Variants in KMT2A observed in about 807,000 individuals in gnomAD.
KMT2A encodes lysine methyltransferase 2A.
A neutral mutation model predicts 345.3 loss-of-function variants in KMT2A; 16 were observed. The observed-to-expected ratio is 0.05, with a 90% confidence interval of 0.03 to 0.07. KMT2A has a LOEUF of 0.07. Ranked by LOEUF, KMT2A falls within the 10% of genes least tolerant of loss-of-function variation. The pLI is 1.00. For missense variants in KMT2A, 3,272 were observed against 4,841.6 expected (o/e 0.68, Z 9.62); for synonymous variants, 1,599 against 1,778.6 (o/e 0.90, Z 2.54).
chr11:118,455,840 C>A (rs1949631853), intron 1 of KMT2A, among the ~76,000 whole-genome samples: 1 of 151,832 alleles, frequency 6.6e-6, no homozygotes, highest in South Asian at 2.1e-4. Context: ...TGAGACTACA[C>A]CACACCCAGC....
In KMT2A at chr11:118,469,778, G is replaced by C. The variant is rs9332766; in HGVS notation, c.502+934G>C. Among the ~76,000 whole-genome samples the C allele has an allele frequency of 7.2e-3, 1,097 of 152,312 alleles. 16 individuals are homozygous for C. Among genetic ancestry groups the C allele is most frequent in the African/African-American group, 0.024 (1,010 of 41,554 alleles). On this transcript the variant is annotated intron_variant, in intron 2 of 35. Coordinates refer to ENST00000534358, the MANE Select transcript of KMT2A (RefSeq NM_001197104.2). Reference sequence around the variant, plus strand: ...GACATTGACTTAGCTTGTGATGTGTGCTAGCATTAGGGTCTCACTTAAGAG... The same window carrying C: ...GACATTGACTTAGCTTGTGATGTGTCCTAGCATTAGGGTCTCACTTAAGAG...
chr11:118,442,736 T>C lies in KMT2A; in HGVS notation c.432+5792T>C, dbSNP rs574061287. Among the ~76,000 whole-genome samples the C allele has an allele frequency of 6.8e-4, 104 of 152,220 alleles. 1 individual carries two copies. Among genetic ancestry groups the C allele is most frequent in the Non-Finnish European group, 7.3e-4 (50 of 68,046 alleles). On this transcript the variant is annotated intron_variant, in intron 1 of 35. Coordinates refer to ENST00000534358, the MANE Select transcript of KMT2A (RefSeq NM_001197104.2). ...GTAGGCTCCACTATTTCTTGAGATT[T>C]TCAGGAATTGTCTAGGCTTCTAGAG...
chr11:118,448,662 T>A (rs1233726596), intron 1 of KMT2A: 1 of 152,198 alleles, frequency 6.6e-6, no homozygotes, highest in African/African-American at 2.4e-5. Context: ...TGTGTATGAA[T>A]TCCTTCTTTC....
Position 118,506,280 on chromosome 11 carries a change from C to A in KMT2A, c.10388C>A (p.Ala3463Asp). Residue 3463 changes from alanine to aspartate, a missense_variant, in exon 27 of 36, where the codon GCC becomes GAC. Physicochemically the swap from Ala to Asp is moderately radical, Grantham distance 126. Transcript: ENST00000534358. The part of the protein sequence containing the change: ...YQLQHVNQLL[A>D]SKTGIHSSQR... ...CTTCAGCATGTGAACCAGCTCCTTG[C>A]CAGCAAAACTGGGATTCATTCTTCC... 1 of 1,614,194 alleles carries A rather than the reference C, an allele frequency of 6.2e-7. No individual in the cohort carries two copies.
At chr11:118,464,251 G>C (rs1187424100) in intron 1 of KMT2A, among the ~76,000 whole-genome samples, 2 of 152,172 alleles carry the variant, frequency 1.3e-5, no homozygotes, top group African/African-American at 4.8e-5. Flanking sequence ...AAAAACTAAA[G>C]TTGGCTGGGC....
intron 1 of KMT2A, among the ~76,000 whole-genome samples, chr11:118,452,854 G>A (rs1282367507): frequency 2.0e-5 from 3 of 151,424 alleles, no homozygotes; most frequent in Admixed American, 6.6e-5. Context: ...GGCTGGTCTC[G>A]AACTCCTGAC....
Position 118,497,930 on chromosome 11 carries a change from T to G in KMT2A, c.5665-6T>G. On this transcript the variant is annotated splice_region_variant and splice_polypyrimidine_tract_variant and intron_variant, in intron 20 of 35. Transcript: ENST00000534358. The surrounding 1 kb of genome is among the most constrained non-coding windows in gnomAD (Gnocchi z 4.8). ...TTAGGAAAAAAGAAATCTCTTTATTTTATAGGATGCTGGTCGTTTACTATA... is the reference window on the plus strand; with the variant it reads ...TTAGGAAAAAAGAAATCTCTTTATTGTATAGGATGCTGGTCGTTTACTATA... 1 of 1,607,102 alleles carries G rather than the reference T, an allele frequency of 6.2e-7. No individual in the cohort carries two copies. The highest frequency in any genetic ancestry group is 8.5e-7 in the Non-Finnish European group (1 of 1,174,522).
Position 118,473,072 on chromosome 11 carries a change from C to T in KMT2A, c.1913C>T (p.Ala638Val), listed in dbSNP as rs2134265127. Residue 638 changes from alanine (A) to valine (V), a missense_variant, in exon 3 of 36, where the codon GCC becomes GTC. Physicochemically the swap from Ala to Val is moderately conservative, Grantham distance 64 (BLOSUM62 0). This residue lies in a region of KMT2A where 114 missense variants were observed against 203.2 expected (regional missense o/e 0.56). Coordinates refer to ENST00000534358, the MANE Select transcript of KMT2A (RefSeq NM_001197104.2). The surrounding 1 kb of genome is among the most constrained non-coding windows in gnomAD (Gnocchi z 5.2). ...EPQYFSSAKY[A>V]KEGLIRKPIF... ...CAATACTTTTCCTCAGCAAAGTATGCCAAAGAAGGTCTTATTCGCAAACCA... is the reference window on the plus strand; with the variant it reads ...CAATACTTTTCCTCAGCAAAGTATGTCAAAGAAGGTCTTATTCGCAAACCA... 1 of 1,614,100 alleles carries T rather than the reference C, an allele frequency of 6.2e-7. No homozygotes were observed. Among genetic ancestry groups the T allele is most frequent in the Non-Finnish European group, 8.5e-7 (1 of 1,180,008 alleles).
At chr11:118,474,986 A>G (rs1950009376) in intron 3 of KMT2A, among the ~76,000 whole-genome samples, 1 of 151,176 alleles carries the variant, frequency 6.6e-6, no homozygotes, top group Non-Finnish European at 1.5e-5. Flanking sequence ...AAAAAAAATT[A>G]GCTGGGCGTG....
In KMT2A at chr11:118,485,975, C is replaced by G. The variant is rs1255143546; in HGVS notation, c.4332+1000C>G. Among the ~76,000 whole-genome samples, 5 of 152,136 alleles carry G rather than the reference C, an allele frequency of 3.3e-5. 1 individual carries two copies. The South Asian group carries it at 1.0e-3, about 32-fold the overall frequency. On this transcript the variant is annotated intron_variant, in intron 10 of 35. Transcript: ENST00000534358. ...GCGGGCGCCTGTAGTCCCAGCTACT[C>G]GAGAGGCTGAGGCAGGAGAACGGCA...
rs1555043916 is a variant in KMT2A at position 118,496,265 on chromosome 11, T to C, written c.5562T>C (p.Thr1854=). The part of the protein sequence containing the change: ...LHPPTPPILS[T]DRSREDSPEL... ...GGGAGTCTTTTGGATTTCAAGGTAC[T>C]GATAGGAGTCGAGAAGACAGTCCAG... The change falls in exon 20 of 36, where the codon ACT becomes ACC. Residue 1854 remains threonine, a synonymous_variant. Transcript: ENST00000534358. The surrounding 1 kb of genome is among the most constrained non-coding windows in gnomAD (Gnocchi z 4.7). The C allele has an allele frequency of 4.3e-6, 7 of 1,611,348 alleles. No homozygotes were observed. In the Admixed American group the frequency reaches 5.0e-5, roughly 12 times the overall value.
Position 118,498,904 on chromosome 11 carries a change from C to G in KMT2A, c.5961+376C>G, listed in dbSNP as rs1950453750. On this transcript the variant is annotated intron_variant, in intron 22 of 35. Transcript: ENST00000534358. This position sits in a 1 kb window ranked among gnomAD's most constrained non-coding sequence, Gnocchi z 4.4. ...TATTCATCCCTGCCTCTCCCCAACC[C>G]TGGGCAACCACTGATGTTTTTACTA... Among the ~76,000 whole-genome samples, 1 of 152,222 alleles carries G rather than the reference C, an allele frequency of 6.6e-6. No individual in the cohort carries two copies. The highest frequency in any genetic ancestry group is 6.5e-5 in the Admixed American group (1 of 15,282).
rs533348482 is a variant in KMT2A, at chr11:118,492,437, C to T, written c.5004+509C>T. 2.3e-3 allele frequency among the ~76,000 whole-genome samples: 350 copies of T among 152,322 alleles called. 1 individual carries two copies. The highest frequency in any genetic ancestry group is 3.6e-3 in the Non-Finnish European group (246 of 68,022). ...GCTCACGCCTGTAATCCCAGCACTT[C>T]GGGAGGCCGAGGCGGGCGGATCACG... is the stretch of plus-strand genomic sequence containing the variant. On this transcript the variant is annotated intron_variant, in intron 15 of 35. Transcript: ENST00000534358.
In KMT2A at chr11:118,505,762, A is replaced by G. The variant is rs782772360; in HGVS notation, c.9870A>G (p.Lys3290=). Residue 3290 remains lysine, a synonymous_variant, in exon 27 of 36, where the codon AAA becomes AAG. Coordinates refer to ENST00000534358, the MANE Select transcript of KMT2A (RefSeq NM_001197104.2). This position sits in a 1 kb window ranked among gnomAD's most constrained non-coding sequence, Gnocchi z 4.6. ...ACCGAACTGTCCCCAACATCATAAA[A>G]AGATCTAAATCTAGCATCATGTATT... ...SSHRTVPNII[K]RSKSSIMYFE... is the part of the protein sequence containing the mutation. 40 of 1,614,052 alleles carry G rather than the reference A, an allele frequency of 2.5e-5. No homozygotes were observed. The Admixed American group carries it at 2.7e-4, about 11-fold the overall frequency.
Position 118,495,564 on chromosome 11 carries a change from C to T in KMT2A, c.5364-136C>T. 1 of 561,000 alleles carries T rather than the reference C, an allele frequency of 1.8e-6. No homozygotes were observed. The highest frequency in any genetic ancestry group is 4.0e-5 in the South Asian group (1 of 24,884). 34.8% of individuals were successfully genotyped at this position (561,000 alleles called of 1,614,324 possible). A position where few individuals can be genotyped will look rare whatever the true frequency, so the allele number is the denominator to read the frequency against. ...GAGTTCTGTGTACTTCAGCAATTTT[C>T]AAACGCTGTGACTTGTTCTTATATT... On this transcript the variant is annotated intron_variant, in intron 18 of 35. Coordinates refer to ENST00000534358, the MANE Select transcript of KMT2A (RefSeq NM_001197104.2). The surrounding 1 kb of genome is among the most constrained non-coding windows in gnomAD (Gnocchi z 4.1).
In KMT2A at chr11:118,484,045, T is replaced by A. The variant is rs1192367748; in HGVS notation, c.4087-138T>A. ...AGACCCAGTCTCTTTTAAAAAAAAA[T>A]TCAAAGATTATTTGTTTATGTTGGA... On this transcript the variant is annotated intron_variant, in intron 8 of 35. Transcript: ENST00000534358. The surrounding 1 kb of genome is among the most constrained non-coding windows in gnomAD (Gnocchi z 4.1). The A allele has an allele frequency of 4.4e-6, 4 of 906,496 alleles. No individual in the cohort carries two copies. The African/African-American group carries it at 5.1e-5, about 11-fold the overall frequency. 56.2% of individuals were successfully genotyped at this position (906,496 alleles called of 1,614,324 possible). A position where few individuals can be genotyped will look rare whatever the true frequency, so the allele number is the denominator to read the frequency against.
chr11:118,470,616 T>C (rs1157348864), intron 2 of KMT2A, among the ~76,000 whole-genome samples: 2 of 152,260 alleles, frequency 1.3e-5, no homozygotes, highest in East Asian at 3.8e-4. Context: ...TGATGAGGAA[T>C]GCATTTATAT....
At position 118,523,993 on chromosome 11, in the gene KMT2A, A is replaced by G. The variant is rs1306940245; in HGVS notation, c.*1821A>G. ...CTCTCTCCTTTCCGGCGCAACTTCC[A>G]GAGTGGTGGGAGACGGCAATCTTTA... is the stretch of plus-strand genomic sequence containing the variant. On this transcript the variant is annotated 3_prime_UTR_variant, in exon 36 of 36. Coordinates refer to ENST00000534358, the MANE Select transcript of KMT2A (RefSeq NM_001197104.2). 1.5e-5 allele frequency: 3 copies of G among 203,174 alleles called. No homozygotes were observed. The East Asian group carries it at 2.3e-4, about 15-fold the overall frequency. 12.6% of individuals were successfully genotyped at this position (203,174 alleles called of 1,614,324 possible).
rs143525945 is a variant in KMT2A, at chr11:118,503,400, C to G, written c.7508C>G (p.Ala2503Gly). Residue 2503 changes from alanine (A) to glycine (G), a missense_variant, in exon 27 of 36, where the codon GCT becomes GGT. Ala to Gly is a moderately conservative substitution (Grantham distance 60). This residue lies in a region of KMT2A where 445 missense variants were observed against 500.9 expected (regional missense o/e 0.89). Transcript: ENST00000534358. This position sits in a 1 kb window ranked among gnomAD's most constrained non-coding sequence, Gnocchi z 5.3. ...CTTTCTATGCCAGGAGTCCCCAAAGCTCCACCCATGCAAGTAGAAGGATCT... is the reference window on the plus strand; with the variant it reads ...CTTTCTATGCCAGGAGTCCCCAAAGGTCCACCCATGCAAGTAGAAGGATCT... Reference protein sequence around the residue: ...KGLSMPGVPKAPPMQVEGSAK... With the variant: ...KGLSMPGVPKGPPMQVEGSAK... The G allele has an allele frequency of 2.2e-5, 36 of 1,614,034 alleles. No homozygotes were observed. The highest frequency in any genetic ancestry group is 3.1e-5 in the Non-Finnish European group (36 of 1,179,970).
Sources: gnomAD v4.1 joint callset for allele counts (sites outside exome capture counted in the v4.1 genomes callset) on GRCh38, gnomAD v4.1.1 for gene constraint, gnomAD v4.1.1 regional missense constraint, Gnocchi (gnomAD v3.1) non-coding constraint, MANE v1.5 for transcripts, NCBI Gene and HGNC (gene_info 2026-07-23, HGNC 2026-07-21) for gene names.